CFAP92: variants seen among roughly 807,000 people sequenced by gnomAD.
CFAP92 encodes uncharacterized protein CFAP92.
Under a neutral mutation model 106.3 loss-of-function variants are expected in CFAP92, and 86 were observed. The ratio of observed to expected loss-of-function variants is 0.81; its 90% CI spans 0.68 to 0.97. CFAP92 has a LOEUF of 0.97. Among genes scored for constraint, CFAP92 ranks in the 50% least tolerant of loss-of-function variants. The probability of loss-of-function intolerance (pLI) is 0.00; values close to 1 mark genes in which losing one functional copy is unlikely to be tolerated. For synonymous variants in CFAP92, 477 were observed against 506.4 expected (o/e 0.94, Z 0.78); for missense variants, 1,204 against 1,283.8 (o/e 0.94, Z 0.95).
intron 12 of CFAP92, among the ~76,000 whole-genome samples, chr3:128,927,256 A>T (rs1392970051): frequency 6.6e-6 from 1 of 152,136 alleles, no homozygotes; most frequent in African/African-American, 2.4e-5. Flanking sequence ...TCCAGCCTCC[A>T]GAATAGTGAG....
Position 128,910,212 on chromosome 3 carries a change from G to GTA in CFAP92, c.*86_*87insTA, listed in dbSNP as rs1426617832. On this transcript the variant is annotated 3_prime_UTR_variant, in exon 16 of 16. Coordinates refer to ENST00000645291, the MANE Select transcript of CFAP92 (RefSeq NM_001394090.1). ...GCCATCTGTCCTGCTGCACTTTAAT[G>GTA]AAGTTGATTGTTGAGGAGGGTGTGG... 19 of 1,610,738 alleles carry GTA rather than the reference G, an allele frequency of 1.2e-5. No homozygotes were observed. Among genetic ancestry groups the GTA allele is most frequent in the Admixed American group, 5.0e-5 (3 of 59,862 alleles).
At chr3:128,911,117 C>T (rs186475784) in intron 15 of CFAP92, among the ~76,000 whole-genome samples, 37 of 152,322 alleles carry the variant, frequency 2.4e-4, no homozygotes, top group Middle Eastern at 3.4e-3. Flanking sequence ...AGTGTAATGG[C>T]GCAGTCTTGG....
chr3:128,919,662 C>T (rs533860732), intron 12 of CFAP92, among the ~76,000 whole-genome samples: 1 of 152,210 alleles, frequency 6.6e-6, no homozygotes, highest in Admixed American at 6.5e-5. Context: ...AGTTTTCTCT[C>T]AAGGGATTTA....
At chr3:129,020,436 A>T in the CFAP92 span, among the ~76,000 whole-genome samples, 4 of 152,254 alleles carry the variant, frequency 2.6e-5, no homozygotes, top group East Asian at 7.7e-4. Context: ...CAGGAGTTCA[A>T]GATCAACCTG....
At chr3:128,938,465 A>G (rs949140724) in intron 10 of CFAP92, among the ~76,000 whole-genome samples, 5 of 150,424 alleles carry the variant, frequency 3.3e-5, no homozygotes, top group African/African-American at 1.2e-4. Context: ...ACCAGAAACA[A>G]GGCAAGTGTG....
At chr3:129,022,307 G>A in the CFAP92 span, among the ~76,000 whole-genome samples, 2 of 152,188 alleles carry the variant, frequency 1.3e-5, no homozygotes, top group African/African-American at 2.4e-5. Flanking sequence ...GCTCAGAGAC[G>A]GGGAGGGAGT....
intron 8 of CFAP92, chr3:128,970,522 G>A (rs1942712585): frequency 6.6e-6 from 1 of 152,112 alleles, no homozygotes. Flanking sequence ...AAAAAAAAGG[G>A]GGGGAGTTCA....
At chr3:128,965,431 G>A (rs889265681) in intron 9 of CFAP92, 80 bp downstream of exon 9, 5 of 398,350 alleles carry the variant, frequency 1.3e-5, no homozygotes, top group African/African-American at 8.2e-5. Flanking sequence ...GGGCCATCAG[G>A]AGGACTAGAG....
At chr3:128,937,659 C>T (rs1249218874) in intron 10 of CFAP92, among the ~76,000 whole-genome samples, 1 of 151,870 alleles carries the variant, frequency 6.6e-6, no homozygotes, top group Non-Finnish European at 1.5e-5. Flanking sequence ...TCATTGTAGT[C>T]TACTTAGTTG....
intron 10 of CFAP92, among the ~76,000 whole-genome samples, chr3:128,941,665 T>C (rs1939647627): frequency 6.6e-6 from 1 of 152,116 alleles, no homozygotes; most frequent in Admixed American, 6.6e-5. Flanking sequence ...TTAGTAGAGA[T>C]GGGGTTTCAC....
rs1050837771 is a variant in CFAP92 at position 128,990,000 on chromosome 3, C to A, written c.263-1082G>T. On this transcript the variant is annotated intron_variant, in intron 2 of 15. Transcript: ENST00000645291. ...CTATTAATACATGCCTTCAATCCAG[C>A]AAATTTACTTCTTGGAATACAGGCA... Among the ~76,000 whole-genome samples the A allele has an allele frequency of 2.6e-5, 4 of 152,198 alleles. No individual in the cohort carries two copies. In the South Asian group the frequency reaches 8.3e-4, roughly 31 times the overall value.
chr3:129,002,569 C>G, intron 1 of CFAP92: 1 of 695,238 alleles, frequency 1.4e-6, no homozygotes, highest in South Asian at 3.1e-5. Context: ...CTCAAACAAC[C>G]ATACCCCACT....
At chr3:128,939,459 A>T (rs542358335) in intron 10 of CFAP92, among the ~76,000 whole-genome samples, 1 of 152,146 alleles carries the variant, frequency 6.6e-6, no homozygotes, top group Non-Finnish European at 1.5e-5. Flanking sequence ...TTTAATTGAG[A>T]TATAATTTAC....
intron 9 of CFAP92, among the ~76,000 whole-genome samples, chr3:128,960,805 C>T (rs1482698519): frequency 3.3e-5 from 5 of 151,710 alleles, no homozygotes; most frequent in Non-Finnish European, 5.9e-5. Flanking sequence ...TACCCCTCAA[C>T]CCCTTCTCCT....
chr3:128,912,718 G>T (rs550331774), intron 15 of CFAP92: 2 of 1,043,930 alleles, frequency 1.9e-6, no homozygotes, highest in East Asian at 2.4e-5. Flanking sequence ...TAAGCCTTTT[G>T]TTCCCCGTCT....
At chr3:128,947,496 T>C (rs941918731) in intron 9 of CFAP92, among the ~76,000 whole-genome samples, 16 of 152,172 alleles carry the variant, frequency 1.1e-4, no homozygotes, top group African/African-American at 3.9e-4. Context: ...TTTTACGACT[T>C]ACTACAAAGC....
At chr3:128,934,208 A>G (rs1375567305) in intron 11 of CFAP92, among the ~76,000 whole-genome samples, 1 of 152,156 alleles carries the variant, frequency 6.6e-6, no homozygotes. Context: ...GGCCCCCTAG[A>G]GCCAGTGTGA....
rs1320954812 is a variant in CFAP92 at position 128,993,315 on chromosome 3, G to A, written c.-11C>T. The stretch of plus-strand genomic sequence containing the variant: ...GGCATGTAGCGACATGCTGCAGAGC[G>A]CACTGCTGGCCGCCGGCGCTCCTGG... On this transcript the variant is annotated 5_prime_UTR_variant, in exon 2 of 16. Coordinates refer to ENST00000645291, the MANE Select transcript of CFAP92 (RefSeq NM_001394090.1). 1.2e-6 allele frequency: 2 copies of A among 1,608,848 alleles called. No homozygotes were observed. Among genetic ancestry groups the A allele is most frequent in the South Asian group, 1.1e-5 (1 of 90,680 alleles).
At chr3:128,994,239 A>G, upstream of CFAP92, 1 of 728,014 alleles carries the variant, frequency 1.4e-6, no homozygotes, top group Non-Finnish European at 1.7e-6. Context: ...GGCTACATCC[A>G]GGTTCAGAAA....
Sources: allele counts gnomAD v4.1 joint callset (sites outside exome capture counted in the v4.1 genomes callset), GRCh38; gene constraint gnomAD v4.1.1; transcripts MANE v1.5; gene names NCBI Gene and HGNC (gene_info 2026-07-23, HGNC 2026-07-21).